Variants in ABCA8 observed in about 807,000 individuals in gnomAD.
The protein encoded by ABCA8 is ATP binding cassette subfamily A member 8.
ABCA8 carries 177 observed loss-of-function variants against 192.3 expected under a neutral mutation model. The observed-to-expected ratio is 0.92, with a 90% confidence interval of 0.81 to 1.04. ABCA8 has a LOEUF of 1.04. ABCA8 is among the 50% of genes least tolerant of loss of function. ABCA8 has a pLI of 0.00. For missense variants in ABCA8, 1,915 were observed against 1,904.8 expected, an observed-to-expected ratio of 1.01 and a Z score of -0.10; for synonymous variants, 642 against 690.2, an observed-to-expected ratio of 0.93 and a Z score of 1.09.
chr17:68,872,642 G>A (rs1427122748), intron 37 of ABCA8, among the ~76,000 whole-genome samples: 1 of 151,680 alleles, frequency 6.6e-6, no homozygotes, highest in Non-Finnish European at 1.5e-5. Flanking sequence ...TGCTATCACA[G>A]GAGATGACAG....
chr17:68,917,132 G>A (rs1264134366), intron 17 of ABCA8, among the ~76,000 whole-genome samples: 2 of 152,164 alleles, frequency 1.3e-5, no homozygotes, highest in Non-Finnish European at 2.9e-5. Flanking sequence ...TTAGCTGGGC[G>A]TGGTGGCGGG....
In ABCA8 at chr17:68,876,495, C is replaced by T. The variant is rs1175001303; in HGVS notation, c.4335G>A (p.Ser1445=). ...GCTGCCCCTCGGGGTCCATCCCGGTCGACGGCTCATCCAGAAGCACCACTG... is the reference window on the plus strand; with the variant it reads ...GCTGCCCCTCGGGGTCCATCCCGGTTGACGGCTCATCCAGAAGCACCACTG... ...NPSVVLLDEP[S]TGMDPEGQQQ... The change falls in exon 35 of 40, where the codon TCG becomes TCA. Residue 1445 remains serine, a synonymous_variant. Coordinates refer to ENST00000586539, the MANE Select transcript of ABCA8 (RefSeq NM_001288985.2). 7 of 1,613,884 alleles carry T rather than the reference C, an allele frequency of 4.3e-6. No homozygotes were observed. Among genetic ancestry groups the T allele is most frequent in the African/African-American group, 1.3e-5 (1 of 74,906 alleles).
At position 68,894,986 on chromosome 17, in the gene ABCA8, G is replaced by T. The variant is rs199823966; in HGVS notation, c.2792C>A (p.Ser931Tyr). 6.2e-7 allele frequency: 1 copy of T among 1,613,192 alleles called. No homozygotes were observed. Among genetic ancestry groups the T allele is most frequent in the East Asian group, 2.2e-5 (1 of 44,786 alleles). ...TGASIDDFIQSVEHQNIALEV... is the reference protein window; with the variant it reads ...TGASIDDFIQYVEHQNIALEV... ...TAAAGCTATGTTCTGGTGCTCCACA[G>T]ACTGTATAAAGTCATCAATGCTTGC... Residue 931 changes from serine (S) to tyrosine (Y), a missense_variant, in exon 22 of 40, where the codon TCT (serine) becomes TAT (tyrosine). Ser to Tyr is a moderately radical substitution (Grantham distance 144). Coordinates refer to ENST00000586539, the MANE Select transcript of ABCA8 (RefSeq NM_001288985.2).
intron 21 of ABCA8, among the ~76,000 whole-genome samples, chr17:68,896,022 T>C (rs754132445): frequency 3.0e-4 from 45 of 152,062 alleles, no homozygotes; most frequent in Middle Eastern, 3.2e-3. Context: ...ACCAAGAGAA[T>C]CAGGCACGAT....
At chr17:68,910,636 C>T (rs574185749) in intron 17 of ABCA8, among the ~76,000 whole-genome samples, 7 of 152,278 alleles carry the variant, frequency 4.6e-5, no homozygotes, top group Admixed American at 3.3e-4. Context: ...TTCACCCCCT[C>T]CCCCAACACC....
intron 2 of ABCA8, among the ~76,000 whole-genome samples, chr17:68,942,969 A>G (rs912496929): frequency 7.9e-5 from 12 of 152,168 alleles, no homozygotes; most frequent in African/African-American, 2.9e-4. Flanking sequence ...TAATGACTCT[A>G]TAATATTTAG....
chr17:68,868,203 T>C lies in ABCA8; in HGVS notation c.4768-20A>G, dbSNP rs1053183044. On this transcript the variant is annotated intron_variant, in intron 39 of 39. Transcript: ENST00000586539. ...GAAAACCTGAAAGGGAGGAAGGAAATAAAGAGAGGAGAACAATGCCGTGCT... is the reference window on the plus strand; with the variant it reads ...GAAAACCTGAAAGGGAGGAAGGAAACAAAGAGAGGAGAACAATGCCGTGCT... The C allele has an allele frequency of 1.2e-6, 2 of 1,610,592 alleles. No individual in the cohort carries two copies. The highest frequency in any genetic ancestry group is 2.7e-5 in the African/African-American group (2 of 74,688).
chr17:68,876,663 G>C lies in ABCA8; in HGVS notation c.4240C>G (p.Pro1414Ala). 1 of 1,614,160 alleles carries C rather than the reference G, an allele frequency of 6.2e-7. No homozygotes were observed. The highest frequency in any genetic ancestry group is 1.3e-5 in the African/African-American group (1 of 75,040). ...ATTCCCTCTGACAAGGTCTTCACGGGAGACTTCAGCTGGTCCTGCAGCTTG... is the reference window on the plus strand; with the variant it reads ...ATTCCCTCTGACAAGGTCTTCACGGCAGACTTCAGCTGGTCCTGCAGCTTG... ...ALKLQDQLKS[P>A]VKTLSEGIKR... The change falls in exon 34 of 40, where the codon CCC (proline) becomes GCC (alanine). Residue 1414 changes from proline to alanine, a missense_variant. Transcript: ENST00000586539.
intron 17 of ABCA8, among the ~76,000 whole-genome samples, chr17:68,909,637 C>G (rs1278068642): frequency 6.6e-6 from 1 of 152,048 alleles, no homozygotes; most frequent in Non-Finnish European, 1.5e-5. Context: ...GGTGGAAACA[C>G]TGACTTTCAG....
intron 31 of ABCA8, 105 bp downstream of exon 31, chr17:68,881,758 G>T: frequency 1.3e-6 from 1 of 751,730 alleles, no homozygotes; most frequent in Non-Finnish European, 2.3e-6. Flanking sequence ...TTCTCCTCTG[G>T]GTCTGCATGT....
At chr17:68,934,419 TATCAC>T (rs1332586597) in intron 5 of ABCA8, among the ~76,000 whole-genome samples, 1 of 152,222 alleles carries the variant, frequency 6.6e-6, no homozygotes, top group Admixed American at 6.5e-5. Flanking sequence ...CTCAGTGATT[TATCAC>T]AGTGAACGTG....
intron 5 of ABCA8, among the ~76,000 whole-genome samples, chr17:68,935,540 C>CCATATATATATATATATA (rs1555617705): frequency 3.4e-5 from 3 of 87,290 alleles, no homozygotes; most frequent in African/African-American, 4.7e-5. Flanking sequence ...AGTAGTATTC[C>CCATATATATATATATATA]TATATATATA....
At chr17:68,942,873 A>G (rs1159141513) in intron 2 of ABCA8, among the ~76,000 whole-genome samples, 1 of 152,106 alleles carries the variant, frequency 6.6e-6, no homozygotes, top group African/African-American at 2.4e-5. Context: ...ATTACTATGT[A>G]GTTTCTGTCC....
intron 38 of ABCA8, among the ~76,000 whole-genome samples, chr17:68,868,941 G>A (rs149642995): frequency 4.5e-4 from 69 of 152,198 alleles, no homozygotes; most frequent in African/African-American, 1.6e-3. Flanking sequence ...GAATGACTAC[G>A]TGGCCCAGAA....
At position 68,925,066 on chromosome 17, in the gene ABCA8, T is replaced by C. The variant is rs115310860; in HGVS notation, c.1274-197A>G. 5.7e-3 allele frequency among the ~76,000 whole-genome samples: 870 copies of C among 152,226 alleles called. 9 individuals carry two copies. The highest frequency in any genetic ancestry group is 0.02 in the African/African-American group (850 of 41,536). ...GATGTCTCTACTATAATAAATCCTA[T>C]CGGAAGCAATGAAACTGTGATTTTT... On this transcript the variant is annotated intron_variant, in intron 10 of 39. Coordinates refer to ENST00000586539, the MANE Select transcript of ABCA8 (RefSeq NM_001288985.2).
rs771434223 is a variant in ABCA8, at chr17:68,887,579, C to A, written c.3145-73G>T. The A allele has an allele frequency of 5.6e-4, 673 of 1,199,452 alleles. No individual in the cohort carries two copies. The highest frequency in any genetic ancestry group is 7.0e-4 in the Non-Finnish European group (608 of 863,102). 74.3% of individuals were successfully genotyped at this position (1,199,452 alleles called of 1,614,324 possible). ...TGGATTATGCAAGGAACTATTCAAA[C>A]AAAACCTTTATTTGTAACAATTCTA... On this transcript the variant is annotated intron_variant, in intron 24 of 39. Coordinates refer to ENST00000586539, the MANE Select transcript of ABCA8 (RefSeq NM_001288985.2).
intron 28 of ABCA8, 143 bp downstream of exon 28, chr17:68,884,188 C>T (rs138315095): frequency 3.7e-4 from 318 of 862,818 alleles, no homozygotes; most frequent in African/African-American, 1.0e-3. Flanking sequence ...ATAATTCTTC[C>T]GGATTTTACA....
intron 5 of ABCA8, among the ~76,000 whole-genome samples, chr17:68,935,540 CTATATATATATATATATA>C (rs6146128): frequency 9.2e-5 from 8 of 87,290 alleles, no homozygotes; most frequent in Admixed American, 6.9e-4. Context: ...AGTAGTATTC[CTATATATATATATATATA>C]TATATATATA....
chr17:68,924,193 A>T (rs890507683), intron 11 of ABCA8, among the ~76,000 whole-genome samples: 2 of 152,138 alleles, frequency 1.3e-5, no homozygotes, highest in African/African-American at 4.8e-5. Context: ...TTCAAAACAC[A>T]AAATTAGCTG....
Sources: gnomAD v4.1 joint callset for allele counts (sites outside exome capture counted in the v4.1 genomes callset) on GRCh38, gnomAD v4.1.1 for gene constraint, MANE v1.5 for transcripts, NCBI Gene and HGNC (gene_info 2026-07-23, HGNC 2026-07-21) for gene names.